HIBCH: variants seen among roughly 807,000 people sequenced by gnomAD.
HIBCH encodes the protein 3-hydroxyisobutyryl-CoA hydrolase.
HIBCH carries 50 observed loss-of-function variants against 58.2 expected under a neutral mutation model. The ratio of observed to expected loss-of-function variants is 0.86; its 90% CI spans 0.68 to 1.09. HIBCH has a LOEUF of 1.09. Ranked by LOEUF, HIBCH falls within the 50% of genes least tolerant of loss-of-function variation. The probability of loss-of-function intolerance (pLI) is 0.00; values close to 1 mark genes in which losing one functional copy is unlikely to be tolerated. For synonymous variants in HIBCH, 151 were observed against 146.9 expected, an observed-to-expected ratio of 1.03 and a Z score of -0.20; for missense variants, 450 against 449.7, an observed-to-expected ratio of 1.00 and a Z score of -0.01.
intron 4 of HIBCH, among the ~76,000 whole-genome samples, chr2:190,293,592 A>G (rs1390862254): frequency 6.6e-6 from 1 of 152,222 alleles, no homozygotes; most frequent in Non-Finnish European, 1.5e-5. Context: ...AAAATTCATT[A>G]ATAAGTATTT....
At chr2:190,267,333 TA>T (rs1417284733) in intron 6 of HIBCH, among the ~76,000 whole-genome samples, 1 of 152,006 alleles carries the variant, frequency 6.6e-6, no homozygotes, top group Non-Finnish European at 1.5e-5. Context: ...GCCTCCTGAG[TA>T]GCTGGGATTA....
intron 13 of HIBCH, 148 bp downstream of exon 13, chr2:190,208,731 GA>G: frequency 1.7e-6 from 1 of 577,434 alleles, no homozygotes; most frequent in African/African-American, 2.0e-5. Context: ...ATGAACATTT[GA>G]GTGTCATGTT....
chr2:190,318,251 C>CAA (rs11366930), intron 1 of HIBCH, among the ~76,000 whole-genome samples: 1 of 130,770 alleles, frequency 7.6e-6, no homozygotes. Context: ...ATTTGGGAAC[C>CAA]AAAAAAAAAA....
downstream of HIBCH, chr2:190,203,859 A>T (rs549422388): frequency 6.6e-6 from 1 of 152,250 alleles, no homozygotes; most frequent in South Asian, 2.1e-4. Flanking sequence ...TTGGCTTTTT[A>T]TTCTTACAAA....
At chr2:190,226,015 T>C (rs1685881359) in intron 11 of HIBCH, among the ~76,000 whole-genome samples, 1 of 152,206 alleles carries the variant, frequency 6.6e-6, no homozygotes, top group South Asian at 2.1e-4. Flanking sequence ...ACCACATGAT[T>C]ATCTAAATAG....
chr2:190,192,307 T>C (rs1575674115), intron 1 of HIBCH, among the ~76,000 whole-genome samples: 1 of 152,256 alleles, frequency 6.6e-6, no homozygotes. Flanking sequence ...CATAGGTTTG[T>C]GGCTAGCCTT....
chr2:190,212,070 C>A (rs896515922), intron 12 of HIBCH, among the ~76,000 whole-genome samples: 1 of 152,226 alleles, frequency 6.6e-6, no homozygotes, highest in Non-Finnish European at 1.5e-5. Context: ...ATTTCTTCAT[C>A]TGTAAAATGG....
chr2:190,273,741 G>A (rs1687470385), intron 6 of HIBCH, among the ~76,000 whole-genome samples: 1 of 152,018 alleles, frequency 6.6e-6, no homozygotes, highest in African/African-American at 2.4e-5. Flanking sequence ...AGGTGGGTGG[G>A]AAGAAGTATA....
rs1378167902 is a variant in HIBCH, at chr2:190,217,204, G to A, written c.892-4129C>T. 1.3e-5 allele frequency among the ~76,000 whole-genome samples: 2 copies of A among 152,194 alleles called. No individual in the cohort carries two copies. The highest frequency in any genetic ancestry group is 1.9e-4 in the East Asian group (1 of 5,184). On this transcript the variant is annotated intron_variant, in intron 11 of 13. Transcript: ENST00000359678. The surrounding 1 kb of genome is among the most constrained non-coding windows in gnomAD (Gnocchi z 4.6). Reference sequence around the variant, plus strand: ...CCAGGGGTCAGTGGACCCTGGGGAAGTGCCTCACCTAACTCCAGCCTGTAA... The same window carrying A: ...CCAGGGGTCAGTGGACCCTGGGGAAATGCCTCACCTAACTCCAGCCTGTAA...
At position 190,249,848 on chromosome 2, in the gene HIBCH, G is replaced by A. The variant is rs967815470; in HGVS notation, c.664-122C>T. 4 of 695,794 alleles carry A rather than the reference G, an allele frequency of 5.7e-6. No homozygotes were observed. In the African/African-American group the frequency reaches 7.3e-5, roughly 13 times the overall value. 43.1% of individuals were successfully genotyped at this position (695,794 alleles called of 1,614,324 possible). A position where few individuals can be genotyped will look rare whatever the true frequency, so the allele number is the denominator to read the frequency against. On this transcript the variant is annotated intron_variant, in intron 8 of 13. Transcript: ENST00000359678. ...TTAAATTATGAAGCTGTCTCTTCAG[G>A]TGAATCACTGAAAGAAATTTTGACT... is the stretch of plus-strand genomic sequence containing the variant.
chr2:190,225,071 T>C (rs1357950262), intron 11 of HIBCH, among the ~76,000 whole-genome samples: 1 of 152,132 alleles, frequency 6.6e-6, no homozygotes, highest in African/African-American at 2.4e-5. Flanking sequence ...TTGAAACCAG[T>C]GAGAACAAAG....
rs1343995174 is a variant in HIBCH at position 190,206,485 on chromosome 2, G to A, written c.1046-1253C>T. Among the ~76,000 whole-genome samples, 1 of 152,146 alleles carries A rather than the reference G, an allele frequency of 6.6e-6. No homozygotes were observed. Among genetic ancestry groups the A allele is most frequent in the African/African-American group, 2.4e-5 (1 of 41,430 alleles). On this transcript the variant is annotated intron_variant, in intron 13 of 13. Transcript: ENST00000359678. This position sits in a 1 kb window ranked among gnomAD's most constrained non-coding sequence, Gnocchi z 5.1. ...AATCAAATTTGTTATTTTATTTCAAGCTAACAATTTTTTTACTAGAATACA... is the reference window on the plus strand; with the variant it reads ...AATCAAATTTGTTATTTTATTTCAAACTAACAATTTTTTTACTAGAATACA...
intron 2 of HIBCH, among the ~76,000 whole-genome samples, chr2:190,309,389 T>C (rs1575765141): frequency 6.6e-6 from 1 of 152,202 alleles, no homozygotes; most frequent in East Asian, 1.9e-4. Context: ...GATGACTTGT[T>C]ATTTTTATGT....
rs1690615855 is a variant in HIBCH at position 190,215,856 on chromosome 2, A to AG, written c.892-2782dup. 6.6e-6 allele frequency: 1 copy of AG among 152,624 alleles called. No homozygotes were observed. The highest frequency in any genetic ancestry group is 2.4e-5 in the African/African-American group (1 of 41,430). The allele number at this position is 152,624 out of a possible 1,614,324, so 9.5% of individuals were successfully genotyped here. On this transcript the variant is annotated intron_variant, in intron 11 of 13. Transcript: ENST00000359678. This position sits in a 1 kb window ranked among gnomAD's most constrained non-coding sequence, Gnocchi z 4.4. ...CAGCCAAGACAGGGAAGGCAGTGTA[A>AG]GACACTGTGCAGGTGTGCTGGTGCC...
intron 7 of HIBCH, among the ~76,000 whole-genome samples, chr2:190,256,321 C>T (rs915749482): frequency 3.3e-5 from 5 of 151,930 alleles, no homozygotes; most frequent in Non-Finnish European, 4.4e-5. Context: ...AGCATGTTCC[C>T]CACCATCTGG....
chr2:190,258,447 T>A (rs1031949659), intron 7 of HIBCH, among the ~76,000 whole-genome samples: 2 of 152,230 alleles, frequency 1.3e-5, no homozygotes, highest in Admixed American at 6.5e-5. Flanking sequence ...ACTTGGGAAC[T>A]AGGCAACGAG....
At chr2:190,267,817 G>T (rs1687284463) in intron 6 of HIBCH, among the ~76,000 whole-genome samples, 1 of 117,742 alleles carries the variant, frequency 8.5e-6, no homozygotes, top group South Asian at 3.2e-4. Context: ...TGCCAAGTTG[G>T]GCCCCTAAGG....
intron 1 of HIBCH, among the ~76,000 whole-genome samples, chr2:190,314,756 GGT>G (rs1316353402): frequency 7.9e-5 from 12 of 152,146 alleles, no homozygotes; most frequent in Non-Finnish European, 1.2e-4. Context: ...TGGGATGACA[GGT>G]GTGAGCCACC....
chr2:190,201,279 T>C (rs956624858), downstream of HIBCH: 6 of 166,806 alleles, frequency 3.6e-5, no homozygotes, highest in African/African-American at 1.4e-4. Flanking sequence ...CACACACACC[T>C]TTTTGTTTTA....
Sources: allele counts gnomAD v4.1 joint callset (sites outside exome capture counted in the v4.1 genomes callset), GRCh38; gene constraint gnomAD v4.1.1; non-coding constraint Gnocchi (gnomAD v3.1); transcripts MANE v1.5; gene names NCBI Gene and HGNC (gene_info 2026-07-23, HGNC 2026-07-21).